The following CPLX1 variants were observed in gnomAD, a reference collection of about 807,000 sequenced individuals.
CPLX1 encodes complexin-1.
In CPLX1, 6 loss-of-function variants were observed where a neutral mutation model predicts 15.6. The observed-to-expected ratio is 0.39, with a 90% CI of 0.21 to 0.76. The LOEUF (loss-of-function observed/expected upper bound fraction) is 0.76. Ranked by LOEUF, CPLX1 falls within the 30% of genes least tolerant of loss-of-function variation. The pLI, the probability that CPLX1 is intolerant of heterozygous loss-of-function variation, is 0.43. For synonymous variants in CPLX1, 91 were observed against 75.2 expected, an observed-to-expected ratio of 1.21 and a Z score of -1.08; for missense variants, 242 against 188.6, an observed-to-expected ratio of 1.28 and a Z score of -1.66.
chr4:816,523 T>A (rs1306678199), intron 2 of CPLX1, among the ~76,000 whole-genome samples: 1 of 152,166 alleles, frequency 6.6e-6, no homozygotes, highest in Non-Finnish European at 1.5e-5. Flanking sequence ...CGGCCAAAAA[T>A]ATTCATAAAT....
intron 2 of CPLX1, among the ~76,000 whole-genome samples, chr4:802,560 C>T (rs1218628289): frequency 6.6e-6 from 1 of 152,176 alleles, no homozygotes; most frequent in African/African-American, 2.4e-5. Context: ...ATACTAAAAA[C>T]ATGACCAAAT....
intron 2 of CPLX1, among the ~76,000 whole-genome samples, chr4:822,846 G>A (rs1032290741): frequency 7.1e-6 from 1 of 140,416 alleles, no homozygotes; most frequent in African/African-American, 2.7e-5. Context: ...ACCAGCTCCC[G>A]CCCTCAGCAG....
In CPLX1 at chr4:813,084, G is replaced by A. The variant is rs1451512259; in HGVS notation, c.31+11408C>T. ...GATCAAGACCAGCCTGGCCAACATG[G>A]TGAAACCCCGTCTCTACTAAAAATG... On this transcript the variant is annotated intron_variant, in intron 2 of 3. Coordinates refer to ENST00000304062, the MANE Select transcript of CPLX1 (RefSeq NM_006651.4). 2.0e-5 allele frequency among the ~76,000 whole-genome samples: 3 copies of A among 151,818 alleles called. No individual in the cohort carries two copies. In the East Asian group the frequency reaches 5.8e-4, roughly 29 times the overall value.
chr4:792,705 A>T, intron 2 of CPLX1, 97 bp from the exon 3 acceptor site: 1 of 1,352,020 alleles, frequency 7.4e-7, no homozygotes, highest in Non-Finnish European at 1.0e-6. Context: ...CCGACCCCCC[A>T]AACCCTCCAT....
Position 786,271 on chromosome 4 carries a change from C to T in CPLX1, c.*230G>A, listed in dbSNP as rs1388012597. 4 of 395,934 alleles carry T rather than the reference C, an allele frequency of 1.0e-5. No individual in the cohort carries two copies. The highest frequency in any genetic ancestry group is 1.8e-5 in the Non-Finnish European group (4 of 224,830). The allele number at this position is 395,934 out of a possible 1,614,324, so 24.5% of individuals were successfully genotyped here. On this transcript the variant is annotated 3_prime_UTR_variant, in exon 4 of 4. Coordinates refer to ENST00000304062, the MANE Select transcript of CPLX1 (RefSeq NM_006651.4). ...CAGCAAGAGAAAGGGGCGTCCCAGG[C>T]GATGGGGCTCCAGCCACCCGCGGGC...
chr4:807,438 A>G (rs534675001), intron 2 of CPLX1, among the ~76,000 whole-genome samples: 29 of 152,182 alleles, frequency 1.9e-4, no homozygotes, highest in Non-Finnish European at 3.7e-4. Flanking sequence ...TACCTATGTA[A>G]CAAACCTACA....
intron 3 of CPLX1, among the ~76,000 whole-genome samples, chr4:788,838 C>T (rs1003932044): frequency 6.6e-6 from 1 of 152,218 alleles, no homozygotes; most frequent in Non-Finnish European, 1.5e-5. Flanking sequence ...GGCTGTGCTG[C>T]CCACAGCAAA....
At chr4:821,964 T>A (rs1746872252) in intron 2 of CPLX1, among the ~76,000 whole-genome samples, 1 of 152,118 alleles carries the variant, frequency 6.6e-6, no homozygotes, top group African/African-American at 2.4e-5. Context: ...GGTCCTCACC[T>A]CTTCCTCCTC....
Position 786,180 on chromosome 4 carries a change from A to C in CPLX1, c.*321T>G. ...GGCGCCCACCGCCGCGAACGCGCGC[A>C]CAGGGGTGGTCGCGGGGCTGCCCTT... On this transcript the variant is annotated 3_prime_UTR_variant, in exon 4 of 4. Coordinates refer to ENST00000304062, the MANE Select transcript of CPLX1 (RefSeq NM_006651.4). 4 of 197,300 alleles carry C rather than the reference A, an allele frequency of 2.0e-5. No homozygotes were observed. Among genetic ancestry groups the C allele is most frequent in the Non-Finnish European group, 3.1e-5 (3 of 98,074 alleles). 12.2% of individuals were successfully genotyped at this position (197,300 alleles called of 1,614,324 possible).
At chr4:807,788 AT>A (rs1467211733) in intron 2 of CPLX1, among the ~76,000 whole-genome samples, 1 of 152,072 alleles carries the variant, frequency 6.6e-6, no homozygotes, top group Admixed American at 6.6e-5. Context: ...CTGGCCTTAA[AT>A]TTTTTTTAAA....
At chr4:806,520 A>T (rs1189922061) in intron 2 of CPLX1, among the ~76,000 whole-genome samples, 1 of 152,246 alleles carries the variant, frequency 6.6e-6, no homozygotes, top group Admixed American at 6.5e-5. Context: ...CATCAAAAGC[A>T]ATTGTAATAA....
chr4:787,469 T>A, intron 3 of CPLX1: 3 of 848,028 alleles, frequency 3.5e-6, no homozygotes, highest in Non-Finnish European at 4.3e-6. Context: ...GATCTCATAA[T>A]GGTAAGGATG....
At chr4:824,627 G>T in intron 1 of CPLX1, 26 bp from the exon 2 acceptor site, 1 of 1,270,552 alleles carries the variant, frequency 7.9e-7, no homozygotes, top group Non-Finnish European at 1.1e-6. Flanking sequence ...GTGGTCACAG[G>T]TCACCCTAAG....
intron 2 of CPLX1, among the ~76,000 whole-genome samples, chr4:821,009 C>T (rs922915940): frequency 6.6e-6 from 1 of 152,176 alleles, no homozygotes; most frequent in Non-Finnish European, 1.5e-5. Context: ...AATCCTCCCC[C>T]TCACGCCAAA....
At chr4:824,850 A>AG (rs1300342801) in intron 1 of CPLX1, 1 of 540,176 alleles carries the variant, frequency 1.9e-6, no homozygotes, top group African/African-American at 1.9e-5. Flanking sequence ...CTGATGGCTT[A>AG]GGGGGCATCG....
chr4:825,139 G>A (rs2152649359), intron 1 of CPLX1, among the ~76,000 whole-genome samples: 1 of 152,250 alleles, frequency 6.6e-6, no homozygotes, highest in Non-Finnish European at 1.5e-5. Context: ...ATCGGGGTTG[G>A]GGAGAAACTT....
intron 3 of CPLX1, among the ~76,000 whole-genome samples, chr4:789,603 C>T (rs1746107139): frequency 6.6e-6 from 1 of 152,146 alleles, no homozygotes; most frequent in Admixed American, 6.5e-5. Context: ...ACATGGGTGG[C>T]TGGAAGCTTA....
At chr4:812,420 A>T (rs1228508651) in intron 2 of CPLX1, among the ~76,000 whole-genome samples, 1 of 152,130 alleles carries the variant, frequency 6.6e-6, no homozygotes, top group Non-Finnish European at 1.5e-5. Context: ...TGTAGCACAG[A>T]ACTGGATCTT....
At chr4:789,184 G>A (rs1203189063) in intron 3 of CPLX1, among the ~76,000 whole-genome samples, 1 of 152,206 alleles carries the variant, frequency 6.6e-6, no homozygotes, top group Non-Finnish European at 1.5e-5. Flanking sequence ...ACCAGAGCCT[G>A]GCTTCCACGT....
Sources: allele counts gnomAD v4.1 joint callset (sites outside exome capture counted in the v4.1 genomes callset), GRCh38; gene constraint gnomAD v4.1.1; transcripts MANE v1.5; gene names NCBI Gene and HGNC (gene_info 2026-07-23, HGNC 2026-07-21).